MUC12: variants seen among roughly 807,000 people sequenced by gnomAD.
The protein encoded by MUC12 is mucin-12.
Under a neutral mutation model 230.8 loss-of-function variants are expected in MUC12, and 172 were observed. The ratio of observed to expected loss-of-function variants is 0.75; its 90% CI spans 0.66 to 0.85. The LOEUF (loss-of-function observed/expected upper bound fraction) is 0.85. Ranked by LOEUF, MUC12 falls within the 40% of genes least tolerant of loss-of-function variation. The pLI is 0.00. For synonymous variants in MUC12, 1,259 were observed against 2,401.9 expected (o/e 0.52, Z 13.91); for missense variants, 3,506 against 5,920.6 (o/e 0.59, Z 13.38).
chr7:100,975,155 A>C (rs78879758), intron 1 of MUC12, among the ~76,000 whole-genome samples: 2 of 152,194 alleles, frequency 1.3e-5, no homozygotes, highest in African/African-American at 4.8e-5. Context: ...AGGACACAAA[A>C]GCCAGAAAAT....
At position 101,014,035 on chromosome 7, in the gene MUC12, T is replaced by C; in HGVS notation, c.15761T>C (p.Leu5254Pro). 1.3e-6 allele frequency: 2 copies of C among 1,536,758 alleles called. No individual in the cohort carries two copies. Among genetic ancestry groups the C allele is most frequent in the Non-Finnish European group, 1.7e-6 (2 of 1,146,688 alleles). Residue 5254 changes from leucine (L) to proline (P), a missense_variant, in exon 9 of 12, where the codon CTA (leucine) becomes CCA (proline). Leu to Pro is a moderately conservative substitution (Grantham distance 98, BLOSUM62 -3). Transcript: ENST00000536621. ...GTGCTGCTGCTCGCATTGATCATCCTAATCATCTTATTCAGCCTATCCCAG... is the reference window on the plus strand; with the variant it reads ...GTGCTGCTGCTCGCATTGATCATCCCAATCATCTTATTCAGCCTATCCCAG... ...MAVLLLALII[L>P]IILFSLSQRK...
intron 6 of MUC12, 102 bp from the exon 7 acceptor site, chr7:101,012,717 G>C (rs1367941211): frequency 2.5e-5 from 33 of 1,334,716 alleles, no homozygotes; most frequent in Non-Finnish European, 3.2e-5. Flanking sequence ...ACGGGCATTG[G>C]CCCAGGGGAG....
In MUC12 at chr7:100,991,608, T is replaced by C; in HGVS notation, c.1045T>C (p.Ser349Pro). 6.5e-7 allele frequency: 1 copy of C among 1,536,586 alleles called. No individual in the cohort carries two copies. The highest frequency in any genetic ancestry group is 1.4e-5 in the African/African-American group (1 of 72,974). Residue 349 changes from serine (S) to proline (P), a missense_variant, in exon 2 of 12, where the codon TCC becomes CCC. Coordinates refer to ENST00000536621, the MANE Select transcript of MUC12 (RefSeq NM_001164462.2). The stretch of plus-strand genomic sequence containing the variant: ...TGCAACAACACCCCCACCTGCCCGC[T>C]CCGCGACCTCAGGCCATGTTGAAGA... Reference protein sequence around the residue: ...ATATTPPPARSATSGHVEEST... With the variant: ...ATATTPPPARPATSGHVEEST...
chr7:100,992,124 T>A lies in MUC12; in HGVS notation c.1561T>A (p.Ser521Thr), dbSNP rs1287069206. The change falls in exon 2 of 12, where the codon TCC becomes ACC. Residue 521 changes from serine to threonine, a missense_variant. By Grantham distance (58) the Ser-to-Thr change is moderately conservative. Coordinates refer to ENST00000536621, the MANE Select transcript of MUC12 (RefSeq NM_001164462.2). The stretch of plus-strand genomic sequence containing the variant: ...GACAAGCTCAGGCGTCAGTGAAGAA[T>A]CCACCACCTCCCACAGCCGACCAGG... ...SMTSSGVSEE[S>T]TTSHSRPGST... 6.5e-7 allele frequency: 1 copy of A among 1,537,350 alleles called. No individual in the cohort carries two copies. The highest frequency in any genetic ancestry group is 1.2e-5 in the South Asian group (1 of 84,046).
At chr7:101,008,797 T>C (rs1203155126) in intron 4 of MUC12, 36 bp downstream of exon 4, 1 of 1,517,486 alleles carries the variant, frequency 6.6e-7, no homozygotes, top group Non-Finnish European at 8.8e-7. Flanking sequence ...CCCAGGGTGA[T>C]GTCCCACGTG....
At chr7:100,975,355 G>T (rs1056296726) in intron 1 of MUC12, among the ~76,000 whole-genome samples, 5 of 152,310 alleles carry the variant, frequency 3.3e-5, no homozygotes, top group African/African-American at 1.2e-4. Flanking sequence ...GAAAGGTGAA[G>T]CTGGGGGTGG....
Position 101,005,473 on chromosome 7 carries a change from C to T in MUC12, c.14910C>T (p.Phe4970=). 1 of 1,537,772 alleles carries T rather than the reference C, an allele frequency of 6.5e-7. No homozygotes were observed. Among genetic ancestry groups the T allele is most frequent in the South Asian group, 1.2e-5 (1 of 84,060 alleles). ...CCACCTTCCACACCAGTCCAAGCTTCACTTCTACAATTGTGTCTACTGAAA... is the reference window on the plus strand; with the variant it reads ...CCACCTTCCACACCAGTCCAAGCTTTACTTCTACAATTGTGTCTACTGAAA... The part of the protein sequence containing the change: ...ESTTFHTSPS[F]TSTIVSTESL... Residue 4970 remains phenylalanine, a synonymous_variant, in exon 2 of 12, where the codon TTC becomes TTT. Transcript: ENST00000536621.
chr7:101,016,300 G>A (rs896362944), intron 10 of MUC12, among the ~76,000 whole-genome samples: 3 of 152,002 alleles, frequency 2.0e-5, no homozygotes, highest in African/African-American at 7.3e-5. Flanking sequence ...GGGTTGAGGG[G>A]CTTTGGCCGC....
chr7:101,008,664 G>A lies in MUC12; in HGVS notation c.15089G>A (p.Gly5030Asp), dbSNP rs1793793757. Reference sequence around the variant, plus strand: ...CCGGAAAAACTCAACGCCACTTTAGGTATGACAGTGAAAGTGACTTACAGA... The same window carrying A: ...CCGGAAAAACTCAACGCCACTTTAGATATGACAGTGAAAGTGACTTACAGA... ...ETPEKLNATL[G>D]MTVKVTYRNF... The change falls in exon 4 of 12, where the codon GGT (glycine) becomes GAT (aspartate). Residue 5030 changes from glycine to aspartate, a missense_variant. Gly to Asp is a moderately conservative substitution (Grantham distance 94). Transcript: ENST00000536621. 1 of 1,537,146 alleles carries A rather than the reference G, an allele frequency of 6.5e-7. No homozygotes were observed.
rs1445419142 is a variant in MUC12 at position 100,995,867 on chromosome 7, A to T, written c.5304A>T (p.Glu1768Asp). 2.8e-6 allele frequency: 4 copies of T among 1,439,076 alleles called. No individual in the cohort carries two copies. The highest frequency in any genetic ancestry group is 3.7e-6 in the Non-Finnish European group (4 of 1,073,890). The allele number at this position is 1,439,076 out of a possible 1,614,324, so 89.1% of individuals were successfully genotyped here. ...CCACAACCTCAGGCCTCGTTGAAGA[A>T]TCTACGGCGTACCACAGCAGCCCGG... is the stretch of plus-strand genomic sequence containing the variant. ...ARSTTSGLVEESTAYHSSPGS... is the reference protein window; with the variant it reads ...ARSTTSGLVEDSTAYHSSPGS... The change falls in exon 2 of 12, where the codon GAA (glutamate) becomes GAT (aspartate). Residue 1768 changes from glutamate (E) to aspartate (D), a missense_variant. Transcript: ENST00000536621.
At chr7:101,006,612 C>G (rs1793757384) in intron 3 of MUC12, 40 bp downstream of exon 3, 1 of 1,350,112 alleles carries the variant, frequency 7.4e-7, no homozygotes, top group Non-Finnish European at 1.0e-6. Context: ...TTTGCAGGCC[C>G]TTTCACCCCT....
chr7:101,008,120 G>A lies in MUC12; in HGVS notation c.15059-514G>A, dbSNP rs367845363. Among the ~76,000 whole-genome samples, 94 of 148,496 alleles carry A rather than the reference G, an allele frequency of 6.3e-4. No homozygotes were observed. In the Middle Eastern group the frequency reaches 0.012, roughly 19 times the overall value. ...CGCCCGGCCGGTAGCTCTATTTTTAGTTTTAGGAACCTCCATTTCTTTTGA... is the reference window on the plus strand; with the variant it reads ...CGCCCGGCCGGTAGCTCTATTTTTAATTTTAGGAACCTCCATTTCTTTTGA... On this transcript the variant is annotated intron_variant, in intron 3 of 11. Coordinates refer to ENST00000536621, the MANE Select transcript of MUC12 (RefSeq NM_001164462.2).
At chr7:100,970,760 G>C (rs1349091532) in intron 1 of MUC12, among the ~76,000 whole-genome samples, 1 of 151,520 alleles carries the variant, frequency 6.6e-6, no homozygotes, top group Non-Finnish European at 1.5e-5. Flanking sequence ...CACTTTGGGA[G>C]GCCGAGGTGG....
At chr7:100,988,304 A>G (rs1006180629) in intron 1 of MUC12, among the ~76,000 whole-genome samples, 2 of 151,200 alleles carry the variant, frequency 1.3e-5, no homozygotes, top group African/African-American at 2.4e-5. Context: ...AAAAAAAAAA[A>G]AAAAAAAGAA....
rs201542902 is a variant in MUC12, at chr7:101,004,867, C to T, written c.14304C>T (p.Ser4768=). Residue 4768 remains serine (S), a synonymous_variant, in exon 2 of 12, where the codon AGC becomes AGT. Transcript: ENST00000536621. ...CCAGCATCAGTGGAGAACCCACCAG[C>T]TTGTATAGCCAAGCAGAGTCAACAC... ...TSSSISGEPT[S]LYSQAESTHT... 8 of 1,537,092 alleles carry T rather than the reference C, an allele frequency of 5.2e-6. No homozygotes were observed. The highest frequency in any genetic ancestry group is 1.4e-5 in the African/African-American group (1 of 72,994).
At chr7:100,977,312 A>G (rs1793047505) in intron 1 of MUC12, among the ~76,000 whole-genome samples, 2 of 151,838 alleles carry the variant, frequency 1.3e-5, no homozygotes, top group African/African-American at 4.8e-5. Context: ...CAAGGTCATC[A>G]TGAGTGCCAC....
In MUC12 at chr7:101,005,094, C is replaced by T. The variant is rs569573737; in HGVS notation, c.14531C>T (p.Pro4844Leu). 52 of 1,537,838 alleles carry T rather than the reference C, an allele frequency of 3.4e-5. No individual in the cohort carries two copies. The South Asian group carries it at 5.8e-4, about 17-fold the overall frequency. The change falls in exon 2 of 12, where the codon CCA (proline) becomes CTA (leucine). Residue 4844 changes from proline (P) to leucine (L), a missense_variant. By Grantham distance (98) the Pro-to-Leu change is moderately conservative. Transcript: ENST00000536621. ...GTGTCACCTGCCAGCACCACAGTGC[C>T]AGGCCTTAGTGAGGAATCTACCACC... ...STVSPASTTV[P>L]GLSEESTTFY...
intron 1 of MUC12, among the ~76,000 whole-genome samples, chr7:100,978,255 G>T (rs1793060727): frequency 6.6e-6 from 1 of 152,168 alleles, no homozygotes; most frequent in African/African-American, 2.4e-5. Flanking sequence ...TGTGTGCAGG[G>T]GTTGGGGTGG....
At position 100,993,442 on chromosome 7, in the gene MUC12, T is replaced by C. The variant is rs1793390159; in HGVS notation, c.2879T>C (p.Val960Ala). 3 of 1,024,460 alleles carry C rather than the reference T, an allele frequency of 2.9e-6. No individual in the cohort carries two copies. The highest frequency in any genetic ancestry group is 3.9e-6 in the Non-Finnish European group (3 of 759,788). The allele number at this position is 1,024,460 out of a possible 1,614,324, so 63.5% of individuals were successfully genotyped here. ...FPDSTTSSGI[V>A]EASTRVHSST... Reference sequence around the variant, plus strand: ...GACAGCACCACAAGCTCAGGCATCGTTGAAGCATCTACACGCGTCCACAGC... The same window carrying C: ...GACAGCACCACAAGCTCAGGCATCGCTGAAGCATCTACACGCGTCCACAGC... The change falls in exon 2 of 12, where the codon GTT (valine) becomes GCT (alanine). Residue 960 changes from valine (V) to alanine (A), a missense_variant. Val to Ala is a moderately conservative substitution (Grantham distance 64). Transcript: ENST00000536621.
Sources: gnomAD v4.1 joint callset for allele counts (sites outside exome capture counted in the v4.1 genomes callset) on GRCh38, gnomAD v4.1.1 for gene constraint, MANE v1.5 for transcripts, NCBI Gene and HGNC (gene_info 2026-07-23, HGNC 2026-07-21) for gene names.